The following FSTL4 variants were observed in gnomAD, a reference collection of about 807,000 sequenced individuals.
The protein encoded by FSTL4 is follistatin like 4, also known as follistatin-related protein 4.
In FSTL4, 28 loss-of-function variants were observed where a neutral mutation model predicts 78.2. The observed-to-expected ratio is 0.36, with a 90% CI of 0.27 to 0.49. The LOEUF (loss-of-function observed/expected upper bound fraction) is 0.49, where lower values mean the gene tolerates loss of function less well. Ranked by LOEUF, FSTL4 falls within the 20% of genes least tolerant of loss-of-function variation. The pLI is 0.98. For synonymous variants in FSTL4, 422 were observed against 440.5 expected (o/e 0.96, Z 0.53); for missense variants, 922 against 1,084.9 (o/e 0.85, Z 2.11).
chr5:133,524,651 A>G (rs1296742679), intron 3 of FSTL4, among the ~76,000 whole-genome samples: 2 of 152,172 alleles, frequency 1.3e-5, no homozygotes, highest in Non-Finnish European at 2.9e-5. Context: ...ACAGGTGCAT[A>G]GAGGGCCCTC....
chr5:133,281,606 G>C (rs1395095729), intron 6 of FSTL4, among the ~76,000 whole-genome samples: 2 of 152,096 alleles, frequency 1.3e-5, no homozygotes, highest in African/African-American at 4.8e-5. Flanking sequence ...TGAATAGCTG[G>C]AACCAGAGAA....
At chr5:133,355,752 A>C (rs775276717) in intron 4 of FSTL4, among the ~76,000 whole-genome samples, 3 of 152,212 alleles carry the variant, frequency 2.0e-5, no homozygotes, top group Non-Finnish European at 2.9e-5. Context: ...TCTTCTAGTT[A>C]TTTAGGTTTT....
chr5:133,656,468 C>A, the FSTL4 span, among the ~76,000 whole-genome samples: 9 of 152,132 alleles, frequency 5.9e-5, no homozygotes, highest in Admixed American at 1.3e-4. Context: ...CAAGGAGGCA[C>A]AGGTTCTGGC....
the FSTL4 span, among the ~76,000 whole-genome samples, chr5:133,686,866 C>T: frequency 2.0e-5 from 3 of 152,190 alleles, no homozygotes; most frequent in South Asian, 6.2e-4. Context: ...TCTGCAGAAA[C>T]ACATTTTGCA....
At chr5:133,425,330 C>A (rs1014146962) in intron 3 of FSTL4, among the ~76,000 whole-genome samples, 3 of 152,146 alleles carry the variant, frequency 2.0e-5, no homozygotes, top group Non-Finnish European at 2.9e-5. Context: ...CAGCAGGAGA[C>A]CCAGAGCAAG....
At chr5:133,737,954 T>C in the FSTL4 span, among the ~76,000 whole-genome samples, 2 of 152,136 alleles carry the variant, frequency 1.3e-5, no homozygotes, top group South Asian at 4.2e-4. Context: ...GGGATTTTAC[T>C]GTGTGCAGGA....
At chr5:133,398,846 G>A (rs1580682031) in intron 4 of FSTL4, among the ~76,000 whole-genome samples, 1 of 152,304 alleles carries the variant, frequency 6.6e-6, no homozygotes, top group Non-Finnish European at 1.5e-5. Context: ...CCACCAAAAA[G>A]GGGTCCTTAA....
chr5:133,723,752 C>G, the FSTL4 span, among the ~76,000 whole-genome samples: 1 of 152,158 alleles, frequency 6.6e-6, no homozygotes, highest in East Asian at 1.9e-4. Context: ...CTTTTGATCC[C>G]TGGGGGATAG....
chr5:133,208,128 C>G (rs1206198330), intron 14 of FSTL4: 5 of 152,238 alleles, frequency 3.3e-5, no homozygotes, highest in Admixed American at 2.6e-4. Flanking sequence ...TCATTACTTG[C>G]CACTATCTCT....
At chr5:133,300,363 T>C (rs1426925852) in intron 6 of FSTL4, among the ~76,000 whole-genome samples, 4 of 152,192 alleles carry the variant, frequency 2.6e-5, no homozygotes, top group Non-Finnish European at 5.9e-5. Context: ...GATGCTGAGT[T>C]ATTTAACCTG....
intron 3 of FSTL4, among the ~76,000 whole-genome samples, chr5:133,539,993 CTT>C (rs1014838043): frequency 1.3e-5 from 2 of 151,106 alleles, no homozygotes; most frequent in African/African-American, 2.4e-5. Context: ...AATAGCGACA[CTT>C]TGAGTAAAGC....
chr5:133,463,162 C>T (rs1297190687), intron 3 of FSTL4, among the ~76,000 whole-genome samples: 2 of 152,242 alleles, frequency 1.3e-5, no homozygotes, highest in Non-Finnish European at 2.9e-5. Flanking sequence ...CAGACACTCC[C>T]TGTCCTATGA....
At chr5:133,362,556 G>A (rs1454761576) in intron 4 of FSTL4, among the ~76,000 whole-genome samples, 2 of 152,252 alleles carry the variant, frequency 1.3e-5, no homozygotes, top group African/African-American at 4.8e-5. Context: ...CTTTCTCAGT[G>A]CGTCTGTGGG....
At chr5:133,224,331 C>G (rs569943286) in intron 10 of FSTL4, 115 bp from the exon 11 acceptor site, 1 of 742,236 alleles carries the variant, frequency 1.3e-6, no homozygotes, top group East Asian at 2.6e-5. Context: ...GGTACCTAGT[C>G]CATCACTTAC....
At chr5:133,810,692 G>T in the FSTL4 span, among the ~76,000 whole-genome samples, 1 of 152,126 alleles carries the variant, frequency 6.6e-6, no homozygotes, top group Non-Finnish European at 1.5e-5. Context: ...AAGATTCGTT[G>T]GACCAGGTGT....
the FSTL4 span, among the ~76,000 whole-genome samples, chr5:133,625,818 C>CATATATATATTCCATATATATATTCCAT: frequency 6.2e-3 from 14 of 2,242 alleles, 5 homozygotes; most frequent in Admixed American, 0.038. Flanking sequence ...ATATATATTC[C>CATATATATATTCCATATATATATTCCAT]ATATATATAT....
In FSTL4 at chr5:133,446,636, C is replaced by T. The variant is rs533922865; in HGVS notation, c.161-45650G>A. Among the ~76,000 whole-genome samples, 4 of 152,338 alleles carry T rather than the reference C, an allele frequency of 2.6e-5. No homozygotes were observed. The East Asian group carries it at 7.7e-4, about 29-fold the overall frequency. ...ACTGGGGCTCCTCCCTCCCGGGGCC[C>T]TCCGCAGGTGGGAATCAGGAGCCGG... is the stretch of plus-strand genomic sequence containing the variant. On this transcript the variant is annotated intron_variant, in intron 3 of 15. Transcript: ENST00000265342.
chr5:133,837,124 C>T, the FSTL4 span, among the ~76,000 whole-genome samples: 1 of 151,956 alleles, frequency 6.6e-6, no homozygotes. Flanking sequence ...TATTTCCTAT[C>T]ATTTTTTTTC....
the FSTL4 span, among the ~76,000 whole-genome samples, chr5:133,748,716 G>A: frequency 1.3e-5 from 2 of 152,206 alleles, no homozygotes; most frequent in Non-Finnish European, 2.9e-5. Context: ...AGCAGAGTCA[G>A]CCCTGAAGTG....
Sources: gnomAD v4.1 joint callset for allele counts (sites outside exome capture counted in the v4.1 genomes callset) on GRCh38, gnomAD v4.1.1 for gene constraint, MANE v1.5 for transcripts, NCBI Gene and HGNC (gene_info 2026-07-23, HGNC 2026-07-21) for gene names.